Variants in CNTLN observed in about 807,000 individuals in gnomAD.
CNTLN encodes centlein, centrosomal protein.
In CNTLN, 212 loss-of-function variants were observed where a neutral mutation model predicts 180.0. The observed-to-expected ratio is 1.18, with a 90% CI of 1.05 to 1.32. The LOEUF (loss-of-function observed/expected upper bound fraction) is 1.32, where lower values mean the gene tolerates loss of function less well. CNTLN is among the 40% of genes most tolerant of loss of function. The probability of loss-of-function intolerance (pLI) is 0.00; values close to 1 mark genes in which losing one functional copy is unlikely to be tolerated. For synonymous variants in CNTLN, 722 were observed against 563.1 expected, an observed-to-expected ratio of 1.28 and a Z score of -3.99; for missense variants, 2,095 against 1,610.9, an observed-to-expected ratio of 1.30 and a Z score of -5.14.
chr9:17,204,332 A>G (rs1008152739), intron 2 of CNTLN, among the ~76,000 whole-genome samples: 4 of 151,414 alleles, frequency 2.6e-5, no homozygotes, highest in African/African-American at 4.9e-5. Context: ...TGACCTTTGG[A>G]TGGGTTTTTT....
intron 8 of CNTLN, among the ~76,000 whole-genome samples, chr9:17,321,401 A>G (rs1177915769): frequency 1.3e-5 from 2 of 152,172 alleles, no homozygotes; most frequent in East Asian, 1.9e-4. Flanking sequence ...CTTGAGGGCA[A>G]GGAGAGTTGA....
intron 10 of CNTLN, among the ~76,000 whole-genome samples, chr9:17,337,545 A>G (rs1821134576): frequency 6.6e-6 from 1 of 152,216 alleles, no homozygotes; most frequent in Non-Finnish European, 1.5e-5. Context: ...AAGGGGCAGC[A>G]TTCACTGCTT....
At chr9:17,281,273 A>AT (rs36077273) in intron 6 of CNTLN, among the ~76,000 whole-genome samples, 37,813 of 150,188 alleles carry the variant, frequency 0.25, 4,820 homozygotes, top group South Asian at 0.36. Context: ...ATTTTATTTT[A>AT]TTTTTTAAAA....
At chr9:17,520,196 G>A in the CNTLN span, among the ~76,000 whole-genome samples, 6 of 152,164 alleles carry the variant, frequency 3.9e-5, no homozygotes, top group African/African-American at 1.4e-4. Flanking sequence ...ATTTTATGAA[G>A]TGTTTTCTTT....
chr9:17,431,069 G>A (rs1236633391), intron 18 of CNTLN, among the ~76,000 whole-genome samples: 2 of 152,044 alleles, frequency 1.3e-5, no homozygotes, highest in Admixed American at 1.3e-4. Flanking sequence ...GTATACCCCA[G>A]TAATGGGATT....
intron 2 of CNTLN, among the ~76,000 whole-genome samples, chr9:17,157,164 A>G (rs535450179): frequency 1.3e-5 from 2 of 152,212 alleles, no homozygotes; most frequent in Non-Finnish European, 2.9e-5. Context: ...TGTTTTGAGA[A>G]GACTCTTTTT....
intron 23 of CNTLN, among the ~76,000 whole-genome samples, chr9:17,474,599 T>C (rs775539398): frequency 6.6e-6 from 1 of 152,200 alleles, no homozygotes; most frequent in Non-Finnish European, 1.5e-5. Context: ...GCAGGCATAG[T>C]GGCTCACGCC....
chr9:17,299,621 T>TA, intron 7 of CNTLN: 1 of 985,208 alleles, frequency 1.0e-6, no homozygotes, highest in Non-Finnish European at 1.2e-6. Context: ...AGCAGGAAGA[T>TA]ACAGTCTTCC....
At chr9:17,175,650 A>G (rs561384027) in intron 2 of CNTLN, among the ~76,000 whole-genome samples, 2 of 152,266 alleles carry the variant, frequency 1.3e-5, no homozygotes, top group Admixed American at 1.3e-4. Flanking sequence ...CATGAAGTTT[A>G]GAAGACTCTT....
intron 2 of CNTLN, among the ~76,000 whole-genome samples, chr9:17,191,582 T>C (rs1461732541): frequency 6.6e-6 from 1 of 152,194 alleles, no homozygotes; most frequent in East Asian, 1.9e-4. Flanking sequence ...GAATAGAGAA[T>C]CTTTTTGATA....
intron 5 of CNTLN, among the ~76,000 whole-genome samples, chr9:17,264,225 G>A (rs1428545595): frequency 6.8e-6 from 1 of 147,122 alleles, no homozygotes; most frequent in Non-Finnish European, 1.5e-5. Flanking sequence ...TTTGTATAAG[G>A]TGTAAGGAAG....
chr9:17,469,439 A>G (rs531634193), intron 23 of CNTLN, among the ~76,000 whole-genome samples: 3 of 151,842 alleles, frequency 2.0e-5, no homozygotes, highest in African/African-American at 7.2e-5. Flanking sequence ...GATGGCAGAG[A>G]CTGGATATTT....
chr9:17,293,133 G>T (rs1326842929), intron 6 of CNTLN, among the ~76,000 whole-genome samples: 1 of 152,204 alleles, frequency 6.6e-6, no homozygotes, highest in African/African-American at 2.4e-5. Flanking sequence ...AAAGATGGCT[G>T]CCTGCTACTT....
chr9:17,423,874 T>A (rs1040214127), intron 18 of CNTLN, among the ~76,000 whole-genome samples: 2 of 152,122 alleles, frequency 1.3e-5, no homozygotes, highest in African/African-American at 2.4e-5. Flanking sequence ...GTAGCACTGC[T>A]GGGGAATGAG....
chr9:17,491,947 C>T (rs1833184359), intron 25 of CNTLN, among the ~76,000 whole-genome samples: 1 of 147,460 alleles, frequency 6.8e-6, no homozygotes, highest in South Asian at 2.1e-4. Flanking sequence ...CCTTGCATCT[C>T]TGAAGCCATT....
At chr9:17,172,495 C>G (rs999851701) in intron 2 of CNTLN, among the ~76,000 whole-genome samples, 1 of 151,682 alleles carries the variant, frequency 6.6e-6, no homozygotes, top group African/African-American at 2.4e-5. Flanking sequence ...CTTGAGACCT[C>G]TTTGGGCTAT....
chr9:17,357,327 A>G (rs1772999339), intron 12 of CNTLN, among the ~76,000 whole-genome samples: 1 of 151,840 alleles, frequency 6.6e-6, no homozygotes, highest in South Asian at 2.1e-4. Context: ...ATTTTGCTAT[A>G]AAGTCAACAG....
chr9:17,264,218 G>A (rs561999427), intron 5 of CNTLN, among the ~76,000 whole-genome samples: 2,326 of 146,192 alleles, frequency 0.016, 107 homozygotes, highest in African/African-American at 0.058. Context: ...ATTGATTTTT[G>A]TATAAGGTGT....
chr9:17,291,346 T>C (rs1245789439), intron 6 of CNTLN, among the ~76,000 whole-genome samples: 1 of 152,164 alleles, frequency 6.6e-6, no homozygotes, highest in Non-Finnish European at 1.5e-5. Flanking sequence ...GCTTAGTTCA[T>C]GTCCTGAATA....
Sources: gnomAD v4.1 joint callset for allele counts (sites outside exome capture counted in the v4.1 genomes callset) on GRCh38, gnomAD v4.1.1 for gene constraint, MANE v1.5 for transcripts, NCBI Gene and HGNC (gene_info 2026-07-23, HGNC 2026-07-21) for gene names.